RBM20: variants seen among roughly 807,000 people sequenced by gnomAD.
RBM20 encodes the protein RNA-binding protein 20.
Under a neutral mutation model 110.1 loss-of-function variants are expected in RBM20, and 51 were observed. That is an observed-to-expected ratio of 0.46 (90% CI 0.37 to 0.59). RBM20 has a LOEUF of 0.59. RBM20 is among the 20% of genes least tolerant of loss of function. RBM20 has a pLI of 0.00. For synonymous variants in RBM20, 589 were observed against 618.2 expected (o/e 0.95, Z 0.70); for missense variants, 1,512 against 1,574.9 (o/e 0.96, Z 0.68).
chr10:110,723,377 A>G (rs969399458), intron 1 of RBM20, among the ~76,000 whole-genome samples: 2 of 152,020 alleles, frequency 1.3e-5, no homozygotes, highest in Non-Finnish European at 2.9e-5. Context: ...TCTGGCAACC[A>G]CTAAACTATT....
chr10:110,794,760 A>G (rs895504816), intron 5 of RBM20, among the ~76,000 whole-genome samples: 9 of 152,240 alleles, frequency 5.9e-5, no homozygotes, highest in African/African-American at 1.9e-4. Context: ...TTAAAATTTG[A>G]CTGGAAATTT....
At chr10:110,727,807 C>T (rs1843579687) in intron 1 of RBM20, among the ~76,000 whole-genome samples, 1 of 152,120 alleles carries the variant, frequency 6.6e-6, no homozygotes, top group African/African-American at 2.4e-5. Flanking sequence ...CCCTTGTCCC[C>T]CATCCCTCAA....
chr10:110,736,696 C>T (rs961695501), intron 1 of RBM20, among the ~76,000 whole-genome samples: 1 of 152,122 alleles, frequency 6.6e-6, no homozygotes, highest in Non-Finnish European at 1.5e-5. Context: ...TCCACCACCA[C>T]CTAATGGAGG....
At chr10:110,820,384 A>G (rs1269777560) in intron 10 of RBM20, among the ~76,000 whole-genome samples, 1 of 152,156 alleles carries the variant, frequency 6.6e-6, no homozygotes, top group Non-Finnish European at 1.5e-5. Context: ...CTTTACCCAC[A>G]TGTCTGGGCT....
chr10:110,697,518 T>G (rs184849633), intron 1 of RBM20, among the ~76,000 whole-genome samples: 14 of 152,376 alleles, frequency 9.2e-5, no homozygotes, highest in Admixed American at 9.1e-4. Flanking sequence ...TACAGAGGTG[T>G]GCCCAGGCAG....
intron 1 of RBM20, among the ~76,000 whole-genome samples, chr10:110,677,150 G>A (rs1287243982): frequency 1.3e-5 from 2 of 152,142 alleles, no homozygotes; most frequent in Non-Finnish European, 2.9e-5. Context: ...GTATCACATG[G>A]TGGAGGAGGC....
chr10:110,732,236 T>C (rs1451235961), intron 1 of RBM20, among the ~76,000 whole-genome samples: 1 of 152,184 alleles, frequency 6.6e-6, no homozygotes, highest in African/African-American at 2.4e-5. Context: ...TCTATTCCCC[T>C]GTCCCCTCGC....
At chr10:110,752,180 C>T (rs1469294153) in intron 1 of RBM20, among the ~76,000 whole-genome samples, 1 of 152,206 alleles carries the variant, frequency 6.6e-6, no homozygotes, top group African/African-American at 2.4e-5. Context: ...TCTAAACACC[C>T]TCTGTGCTCC....
chr10:110,656,924 A>G (rs920399753), intron 1 of RBM20, among the ~76,000 whole-genome samples: 1 of 152,028 alleles, frequency 6.6e-6, no homozygotes, highest in African/African-American at 2.4e-5. Flanking sequence ...GAATAGTGCT[A>G]CTGTGAACAT....
At chr10:110,782,843 C>G (rs565235009) in intron 2 of RBM20, among the ~76,000 whole-genome samples, 4 of 152,156 alleles carry the variant, frequency 2.6e-5, no homozygotes, top group Admixed American at 6.5e-5. Context: ...GTCACACCAT[C>G]CAAGTGCATC....
intron 10 of RBM20, among the ~76,000 whole-genome samples, chr10:110,820,942 A>G (rs1164305588): frequency 6.6e-6 from 1 of 152,214 alleles, no homozygotes; most frequent in Non-Finnish European, 1.5e-5. Context: ...CAGATGCAAG[A>G]AAGATGCTCC....
At chr10:110,682,551 G>A (rs1262871969) in intron 1 of RBM20, among the ~76,000 whole-genome samples, 1 of 152,124 alleles carries the variant, frequency 6.6e-6, no homozygotes, top group Non-Finnish European at 1.5e-5. Context: ...TTCACATTTG[G>A]TCCTTGGGCT....
At chr10:110,817,444 A>G (rs1336464606) in intron 9 of RBM20, among the ~76,000 whole-genome samples, 3 of 152,138 alleles carry the variant, frequency 2.0e-5, no homozygotes, top group South Asian at 2.1e-4. Context: ...AGACCCAACC[A>G]TGCGGGAAGA....
Position 110,831,044 on chromosome 10 carries a change from C to A in RBM20, c.3452-17C>A, listed in dbSNP as rs974182621. The A allele has an allele frequency of 4.5e-6, 7 of 1,547,984 alleles. No individual in the cohort carries two copies. The Admixed American group carries it at 9.8e-5, about 22-fold the overall frequency. ...TGCCATCCTAACCCTGCGTGTCTAT[C>A]CCCCATCCTTTCCCAGGGGTGGAGT... On this transcript the variant is annotated splice_polypyrimidine_tract_variant and intron_variant, in intron 12 of 13. Coordinates refer to ENST00000369519, the MANE Select transcript of RBM20 (RefSeq NM_001134363.3).
Position 110,644,675 on chromosome 10 carries a change from G to C in RBM20, c.191+30G>C. 7.1e-7 allele frequency: 1 copy of C among 1,410,462 alleles called. No homozygotes were observed. The highest frequency in any genetic ancestry group is 9.3e-7 in the Non-Finnish European group (1 of 1,075,386). 87.4% of individuals were successfully genotyped at this position (1,410,462 alleles called of 1,614,324 possible). On this transcript the variant is annotated intron_variant, in intron 1 of 13. Coordinates refer to ENST00000369519, the MANE Select transcript of RBM20 (RefSeq NM_001134363.3). The surrounding 1 kb of genome is among the most constrained non-coding windows in gnomAD (Gnocchi z 4.3). ...GAAGGGAGAAGGGAACAGGGACCAC[G>C]GGTGCGCCTGGGGACACGCCCCGAG...
chr10:110,703,463 T>C (rs1447104325), intron 1 of RBM20, among the ~76,000 whole-genome samples: 5 of 152,082 alleles, frequency 3.3e-5, no homozygotes, highest in Non-Finnish European at 5.9e-5. Context: ...TGATGAGATT[T>C]CCCATGTACC....
At chr10:110,786,813 T>A (rs569974340) in intron 5 of RBM20, among the ~76,000 whole-genome samples, 53 of 152,214 alleles carry the variant, frequency 3.5e-4, no homozygotes, top group African/African-American at 1.3e-3. Flanking sequence ...GTGACCACGA[T>A]GGGGGAGGCT....
At position 110,653,231 on chromosome 10, in the gene RBM20, G is replaced by A. The variant is rs539510116; in HGVS notation, c.191+8586G>A. Among the ~76,000 whole-genome samples the A allele has an allele frequency of 5.3e-5, 8 of 152,282 alleles. No homozygotes were observed. In the East Asian group the frequency reaches 1.4e-3, roughly 26 times the overall value. ...CTTCTTACTCCCAAGCCAGTTATAG[G>A]AATGCCCATTATTATTTCTGCCACC... On this transcript the variant is annotated intron_variant, in intron 1 of 13. Transcript: ENST00000369519.
At chr10:110,727,735 T>G (rs1843578938) in intron 1 of RBM20, among the ~76,000 whole-genome samples, 1 of 152,196 alleles carries the variant, frequency 6.6e-6, no homozygotes, top group African/African-American at 2.4e-5. Flanking sequence ...CTGCACTCAT[T>G]AGCCCATCAT....
Sources: gnomAD v4.1 joint callset for allele counts (sites outside exome capture counted in the v4.1 genomes callset) on GRCh38, gnomAD v4.1.1 for gene constraint, Gnocchi (gnomAD v3.1) non-coding constraint, MANE v1.5 for transcripts, NCBI Gene and HGNC (gene_info 2026-07-23, HGNC 2026-07-21) for gene names.